The following SIGLEC1 variants were observed in gnomAD, a reference collection of about 807,000 sequenced individuals.
SIGLEC1 encodes the protein sialoadhesin.
Under a neutral mutation model 148.0 loss-of-function variants are expected in SIGLEC1, and 132 were observed. That is an observed-to-expected ratio of 0.89 (90% CI 0.77 to 1.03). The LOEUF (loss-of-function observed/expected upper bound fraction) is 1.03, where lower values mean the gene tolerates loss of function less well. SIGLEC1 is among the 50% of genes least tolerant of loss of function. The pLI is 0.00. For missense variants in SIGLEC1, 2,253 were observed against 2,271.4 expected, an observed-to-expected ratio of 0.99 and a Z score of 0.16; for synonymous variants, 945 against 969.0, an observed-to-expected ratio of 0.98 and a Z score of 0.46.
rs143827488 is a variant in SIGLEC1 at position 3,706,565 on chromosome 20, G to A, written c.191C>T (p.Ser64Leu). 1.7e-4 allele frequency: 272 copies of A among 1,612,740 alleles called. No homozygotes were observed. In the African/African-American group the frequency reaches 3.2e-3, roughly 19 times the overall value. The part of the protein sequence containing the change: ...GITAIWYYDY[S>L]GQRQVVSHSA... ...GTGGCTCACCACCTGCCGCTGGCCC[G>A]AGTAGTCGTAGTACCAGATGGCCGT... The change falls in exon 3 of 22, where the codon TCG becomes TTG. Residue 64 changes from serine (S) to leucine (L), a missense_variant. Transcript: ENST00000344754.
At chr20:3,689,815 C>G in intron 19 of SIGLEC1, 113 bp from the exon 20 acceptor site, 1 of 1,200,130 alleles carries the variant, frequency 8.3e-7, no homozygotes, top group Non-Finnish European at 1.2e-6. Context: ...CGCTGAAGCT[C>G]TCCACACAAG....
In SIGLEC1 at chr20:3,703,883, G is replaced by A; in HGVS notation, c.915C>T (p.Cys305=). The A allele has an allele frequency of 6.2e-7, 1 of 1,614,132 alleles. No individual in the cohort carries two copies. Among genetic ancestry groups the A allele is most frequent in the Non-Finnish European group, 8.5e-7 (1 of 1,180,034 alleles). Residue 305 remains cysteine (C), a synonymous_variant, in exon 5 of 22, where the codon TGC becomes TGT. Coordinates refer to ENST00000344754, the MANE Select transcript of SIGLEC1 (RefSeq NM_023068.4). Reference sequence around the variant, plus strand: ...AAGAGCCCACGCCGTTCTCAGCTTGGCAGGTGTAGACGCCAGCATCGCTCC... The same window carrying A: ...AAGAGCCCACGCCGTTCTCAGCTTGACAGGTGTAGACGCCAGCATCGCTCC... ...AAWSDAGVYT[C]QAENGVGSLV...
Position 3,696,662 on chromosome 20 carries a change from C to T in SIGLEC1, c.2607G>A (p.Gly869=), listed in dbSNP as rs1490454147. 1.2e-6 allele frequency: 2 copies of T among 1,613,696 alleles called. No individual in the cohort carries two copies. The highest frequency in any genetic ancestry group is 2.7e-5 in the African/African-American group (2 of 74,918). Residue 869 remains glycine (G), a synonymous_variant, in exon 11 of 22, where the codon GGG becomes GGA. Transcript: ENST00000344754. ...LKLEVRELGL[G]DSGSYRCEAT... ...CCTCACAGCGGTAGCTGCCAGAGTC[C>T]CCAAGGCCCAGTTCTCGGACCTCTA...
chr20:3,694,977 C>A, intron 11 of SIGLEC1, 54 bp from the exon 12 acceptor site: 1 of 1,558,276 alleles, frequency 6.4e-7, no homozygotes, highest in South Asian at 1.2e-5. Flanking sequence ...CTCTCACAGT[C>A]TGGGACCATG....
rs2087852095 is a variant in SIGLEC1 at position 3,701,581 on chromosome 20, A to T, written c.1289T>A (p.Ile430Asn). Residue 430 changes from isoleucine (I) to asparagine (N), a missense_variant, in exon 7 of 22, where the codon ATC becomes AAC. Ile to Asn is a moderately radical substitution (Grantham distance 149, BLOSUM62 -3). Coordinates refer to ENST00000344754, the MANE Select transcript of SIGLEC1 (RefSeq NM_023068.4). ...CTCACTGACCACAGAGCAGTGAAGG[A>T]TGCCCACAAGTCCCGCCTGGGTCTC... ...FLETQAGLVG[I>N]LHCSVVSEPL... 1 of 1,601,996 alleles carries T rather than the reference A, an allele frequency of 6.2e-7. No individual in the cohort carries two copies.
intron 1 of SIGLEC1, among the ~76,000 whole-genome samples, chr20:3,711,116 T>G (rs922873517): frequency 4.6e-5 from 7 of 152,122 alleles, no homozygotes; most frequent in Non-Finnish European, 7.4e-5. Flanking sequence ...AAGGGGGCGG[T>G]GTGCCAGCAA....
chr20:3,701,712 G>A (rs931845178), intron 6 of SIGLEC1, 71 bp from the exon 7 acceptor site: 10 of 1,416,492 alleles, frequency 7.1e-6, no homozygotes, highest in Non-Finnish European at 9.4e-6. Context: ...GATACAACCC[G>A]TGACCTCTGC....
intron 6 of SIGLEC1, among the ~76,000 whole-genome samples, chr20:3,702,877 G>A (rs543299454): frequency 1.5e-3 from 234 of 152,344 alleles, no homozygotes; most frequent in African/African-American, 5.1e-3. Flanking sequence ...ATGTGCGTGT[G>A]TGTGTCTGTG....
intron 18 of SIGLEC1, among the ~76,000 whole-genome samples, chr20:3,690,838 TTTTTTTTC>T (rs1465760954): frequency 9.5e-6 from 1 of 104,782 alleles, no homozygotes; most frequent in African/African-American, 4.1e-5. Flanking sequence ...TCTTTTTTTT[TTTTTTTTC>T]TTGAGACAGA....
intron 6 of SIGLEC1, 138 bp downstream of exon 6, chr20:3,703,059 G>T: frequency 1.1e-6 from 1 of 936,670 alleles, no homozygotes; most frequent in South Asian, 1.4e-5. Flanking sequence ...GGTGTGCAGA[G>T]CTGGGACATG....
chr20:3,705,811 C>T lies in SIGLEC1; in HGVS notation c.639G>A (p.Arg213=). ...CCACGGAGAGCTGGCAGCGCAGGAT[C>T]CGGCCGTGGTCCTGCCAGGACATGG... ...HMAMSWQDHG[R]ILRCQLSVAN... Residue 213 remains arginine (R), a synonymous_variant, in exon 4 of 22, where the codon CGG becomes CGA. Transcript: ENST00000344754. 2.5e-6 allele frequency: 4 copies of T among 1,614,008 alleles called. No homozygotes were observed. The South Asian group carries it at 4.4e-5, about 18-fold the overall frequency.
chr20:3,706,316 C>A (rs750788723), intron 3 of SIGLEC1, 31 bp downstream of exon 3: 1 of 1,582,762 alleles, frequency 6.3e-7, no homozygotes, highest in South Asian at 1.1e-5. Context: ...GAATCCCTCC[C>A]GGGGGGCAGC....
At chr20:3,693,229 A>T (rs1353141114) in intron 14 of SIGLEC1, 98 bp from the exon 15 acceptor site, 5 of 1,372,110 alleles carry the variant, frequency 3.6e-6, no homozygotes, top group Non-Finnish European at 4.9e-6. Flanking sequence ...CTGGCTCCCC[A>T]CCCCTATGGC....
chr20:3,705,748 C>T lies in SIGLEC1; in HGVS notation c.702G>A (p.Val234=). ...HRAQSEIHLQ[V]KYAPKGVKIL... The stretch of plus-strand genomic sequence containing the variant: ...GTGTGTCCCCAGACAACTCACACTT[C>T]ACTTGGAGGTGAATCTCGCTCTGAG... Residue 234 remains valine (V), a synonymous_variant, in exon 4 of 22, where the codon GTG becomes GTA. Transcript: ENST00000344754. 6.2e-7 allele frequency: 1 copy of T among 1,603,816 alleles called. No homozygotes were observed. The highest frequency in any genetic ancestry group is 1.1e-5 in the South Asian group (1 of 90,246).
intron 19 of SIGLEC1, 83 bp from the exon 20 acceptor site, chr20:3,689,785 C>A: frequency 7.5e-7 from 1 of 1,334,924 alleles, no homozygotes; most frequent in Non-Finnish European, 1.0e-6. Flanking sequence ...CAAGATGACA[C>A]CTTCTAACTT....
intron 3 of SIGLEC1, 67 bp from the exon 4 acceptor site, chr20:3,706,107 C>A (rs1316427415): frequency 1.3e-6 from 2 of 1,528,580 alleles, no homozygotes; most frequent in African/African-American, 2.7e-5. Flanking sequence ...GCCCTGGAAA[C>A]CCCAGCTGAG....
chr20:3,692,660 G>C lies in SIGLEC1; in HGVS notation c.3891C>G (p.Asn1297Lys). The C allele has an allele frequency of 1.2e-6, 2 of 1,613,116 alleles. No homozygotes were observed. The highest frequency in any genetic ancestry group is 1.1e-5 in the South Asian group (1 of 91,090). The change falls in exon 16 of 22, where the codon AAC becomes AAG. Residue 1297 changes from asparagine to lysine, a missense_variant. Transcript: ENST00000344754. ...HAPTLYTWYH[N>K]GRWLQEGPAA... ...CTGGACCCTCCTGCAGCCAACGACC[G>C]TTGTGGTACCAAGTATAGAGTGTGG...
chr20:3,699,082 T>A, intron 8 of SIGLEC1, 120 bp downstream of exon 8: 1 of 1,213,350 alleles, frequency 8.2e-7, no homozygotes, highest in Non-Finnish European at 1.1e-6. Flanking sequence ...TGGCCAGGTC[T>A]GTGACCCAGC....
At chr20:3,692,482 C>T (rs1293611892) in intron 16 of SIGLEC1, 39 bp downstream of exon 16, 13 of 1,545,578 alleles carry the variant, frequency 8.4e-6, no homozygotes, top group African/African-American at 6.8e-5. Flanking sequence ...CTCCACCACC[C>T]TCCTCCTGGG....
Sources: allele counts gnomAD v4.1 joint callset (sites outside exome capture counted in the v4.1 genomes callset), GRCh38; gene constraint gnomAD v4.1.1; transcripts MANE v1.5; gene names NCBI Gene and HGNC (gene_info 2026-07-23, HGNC 2026-07-21).